The following CNTN3 variants were observed in gnomAD, a reference collection of about 807,000 sequenced individuals.
CNTN3 encodes contactin-3.
In CNTN3, 60 loss-of-function variants were observed where a neutral mutation model predicts 119.1. The observed-to-expected ratio is 0.50, with a 90% confidence interval of 0.41 to 0.62. The LOEUF is 0.62. Among genes scored for constraint, CNTN3 ranks in the 20% least tolerant of loss-of-function variants. CNTN3 has a pLI of 0.00. For missense variants in CNTN3, 1,101 were observed against 1,242.4 expected, an observed-to-expected ratio of 0.89 and a Z score of 1.71; for synonymous variants, 450 against 438.7, an observed-to-expected ratio of 1.03 and a Z score of -0.32.
At chr3:74,450,156 T>A in intron 4 of CNTN3, among the ~76,000 whole-genome samples, 1 of 152,136 alleles carries the variant, frequency 6.6e-6, no homozygotes, top group Non-Finnish European at 1.5e-5. Context: ...GCTATATTTC[T>A]TTAGTAGGAA....
chr3:74,379,046 T>C (rs2106806010), intron 5 of CNTN3, among the ~76,000 whole-genome samples: 1 of 152,338 alleles, frequency 6.6e-6, no homozygotes, highest in East Asian at 1.9e-4. Flanking sequence ...TTTCCTGAGA[T>C]ACTATTCCAC....
At chr3:74,361,573 G>A (rs76467247) in intron 11 of CNTN3, among the ~76,000 whole-genome samples, 2,962 of 152,274 alleles carry the variant, frequency 0.019, 46 homozygotes, top group Non-Finnish European at 0.027. Context: ...TTTGTCCTGG[G>A]ATGTGGATCT....
At chr3:74,407,063 A>C (rs560014096) in intron 5 of CNTN3, among the ~76,000 whole-genome samples, 2 of 152,248 alleles carry the variant, frequency 1.3e-5, no homozygotes, top group Non-Finnish European at 1.5e-5. Flanking sequence ...GCAGAATGGA[A>C]GGGATCTTTC....
intron 16 of CNTN3, among the ~76,000 whole-genome samples, chr3:74,301,030 A>ACTCC (rs1702442468): frequency 6.6e-6 from 1 of 152,166 alleles, no homozygotes; most frequent in African/African-American, 2.4e-5. Context: ...TAGCAGCAGA[A>ACTCC]CTCCCAAATG....
intron 4 of CNTN3, among the ~76,000 whole-genome samples, chr3:74,442,230 T>C (rs1405220033): frequency 6.6e-6 from 1 of 152,018 alleles, no homozygotes; most frequent in African/African-American, 2.4e-5. Context: ...TTTATACTTA[T>C]GGTGGCCTAC....
At chr3:74,489,880 AGT>A (rs1702930945) in intron 3 of CNTN3, among the ~76,000 whole-genome samples, 1 of 152,190 alleles carries the variant, frequency 6.6e-6, no homozygotes, top group Non-Finnish European at 1.5e-5. Context: ...CTCTCAGCTC[AGT>A]GCTTCCACAG....
intron 19 of CNTN3, among the ~76,000 whole-genome samples, chr3:74,287,473 T>A (rs113055614): frequency 2.0e-3 from 312 of 152,358 alleles, no homozygotes; most frequent in African/African-American, 7.4e-3. Flanking sequence ...TCAGAAATAC[T>A]CTTTTAATAG....
intron 2 of CNTN3, among the ~76,000 whole-genome samples, chr3:74,513,128 T>C (rs980862825): frequency 6.6e-6 from 1 of 152,128 alleles, no homozygotes; most frequent in Non-Finnish European, 1.5e-5. Context: ...CTGGGTGACA[T>C]ACTCAGACTG....
At chr3:74,564,009 A>G (rs2107177347) in intron 1 of CNTN3, among the ~76,000 whole-genome samples, 1 of 152,288 alleles carries the variant, frequency 6.6e-6, no homozygotes, top group Non-Finnish European at 1.5e-5. Flanking sequence ...AATAAGCCCA[A>G]TGGATAGGAG....
intron 2 of CNTN3, among the ~76,000 whole-genome samples, chr3:74,508,193 G>A (rs1313744470): frequency 6.6e-6 from 1 of 152,138 alleles, no homozygotes; most frequent in Non-Finnish European, 1.5e-5. Flanking sequence ...CATGAGATCT[G>A]AAGGTTTTAT....
At chr3:74,443,821 G>A (rs1017648610) in intron 4 of CNTN3, among the ~76,000 whole-genome samples, 3 of 152,020 alleles carry the variant, frequency 2.0e-5, no homozygotes, top group African/African-American at 7.2e-5. Context: ...GAAACTCTTG[G>A]TCAAGACACA....
intron 3 of CNTN3, among the ~76,000 whole-genome samples, chr3:74,489,337 C>T (rs1049559721): frequency 3.9e-5 from 6 of 152,068 alleles, no homozygotes; most frequent in African/African-American, 1.4e-4. Flanking sequence ...CAGAAAAGAA[C>T]TGCTCACTTT....
chr3:74,491,004 T>A (rs1434628919), intron 3 of CNTN3, among the ~76,000 whole-genome samples: 1 of 152,208 alleles, frequency 6.6e-6, no homozygotes, highest in Non-Finnish European at 1.5e-5. Flanking sequence ...TGATTGTTTT[T>A]CCTCTTGCTG....
chr3:74,365,537 A>G, intron 9 of CNTN3, 29 bp downstream of exon 9: 1 of 1,612,812 alleles, frequency 6.2e-7, no homozygotes, highest in African/African-American at 1.3e-5. Context: ...CCAGGCCTCT[A>G]AACCCATTTT....
intron 11 of CNTN3, among the ~76,000 whole-genome samples, chr3:74,350,301 G>T (rs1270159063): frequency 2.0e-5 from 3 of 152,006 alleles, no homozygotes; most frequent in African/African-American, 7.2e-5. Flanking sequence ...AGACATACTA[G>T]CAGCCAACAA....
At chr3:74,303,957 G>T (rs72892524) in intron 13 of CNTN3, among the ~76,000 whole-genome samples, 3,530 of 152,224 alleles carry the variant, frequency 0.023, 137 homozygotes, top group African/African-American at 0.078. Context: ...GTCAGAACTG[G>T]TAAAGAGAAA....
intron 13 of CNTN3, among the ~76,000 whole-genome samples, chr3:74,330,947 T>C (rs575472374): frequency 3.3e-4 from 51 of 152,332 alleles, no homozygotes; most frequent in African/African-American, 1.0e-3. Flanking sequence ...AAGCTGGGTG[T>C]TAATGACAAA....
chr3:74,338,495 C>CAT (rs1553646733), intron 11 of CNTN3, among the ~76,000 whole-genome samples: 237 of 149,416 alleles, frequency 1.6e-3, no homozygotes, highest in Admixed American at 2.4e-3. Flanking sequence ...TACACACGTG[C>CAT]GTGTGTGTGT....
chr3:74,570,021 T>A (rs188738928), intron 1 of CNTN3, among the ~76,000 whole-genome samples: 1 of 152,174 alleles, frequency 6.6e-6, no homozygotes, highest in Non-Finnish European at 1.5e-5. Context: ...GAAGCTCTTA[T>A]GCATAACCCC....
Sources: allele counts gnomAD v4.1 joint callset (sites outside exome capture counted in the v4.1 genomes callset), GRCh38; gene constraint gnomAD v4.1.1; transcripts MANE v1.5; gene names NCBI Gene and HGNC (gene_info 2026-07-23, HGNC 2026-07-21).